The following CRB1 variants were observed in gnomAD, a reference collection of about 807,000 sequenced individuals.
The protein encoded by CRB1 is crumbs cell polarity complex component 1.
In CRB1, 83 loss-of-function variants were observed where a neutral mutation model predicts 120.0. That is an observed-to-expected ratio of 0.69 (90% confidence interval 0.58 to 0.83). The LOEUF (loss-of-function observed/expected upper bound fraction) is 0.83, where lower values mean the gene tolerates loss of function less well. CRB1 is among the 40% of genes least tolerant of loss of function. The probability of loss-of-function intolerance (pLI) is 0.00; values close to 1 mark genes in which losing one functional copy is unlikely to be tolerated. For missense variants in CRB1, 1,699 were observed against 1,687.6 expected (o/e 1.01, Z -0.12); for synonymous variants, 625 against 612.5 (o/e 1.02, Z -0.30).
the CRB1 span, among the ~76,000 whole-genome samples, chr1:197,225,313 A>G: frequency 6.6e-6 from 1 of 152,370 alleles, no homozygotes; most frequent in East Asian, 1.9e-4. Context: ...TTCCATTATG[A>G]ATTAATGTTT....
intron 9 of CRB1, chr1:197,438,157 G>A (rs1665251059): frequency 3.5e-6 from 1 of 286,802 alleles, no homozygotes; most frequent in Non-Finnish European, 6.8e-6. Flanking sequence ...GGGTAGTAGA[G>A]TGCTGTCCTT....
intron 2 of CRB1, among the ~76,000 whole-genome samples, chr1:197,333,887 C>T (rs1029265647): frequency 2.6e-5 from 4 of 152,164 alleles, no homozygotes; most frequent in Admixed American, 6.5e-5. Context: ...TCTCTAGAAA[C>T]AAGACTCACT....
At chr1:197,472,687 T>C (rs1483695286) in intron 11 of CRB1, among the ~76,000 whole-genome samples, 2 of 152,186 alleles carry the variant, frequency 1.3e-5, no homozygotes, top group African/African-American at 4.8e-5. Flanking sequence ...CCAAATTAGA[T>C]TAACTCTCAA....
rs144006275 is a variant in CRB1, at chr1:197,320,476, A to C, written c.71-7946A>C. ...TTAGTATCATAAAAACTGACATAGA[A>C]AAAAGCAAAGGCCTCCATTTCATAC... On this transcript the variant is annotated intron_variant, in intron 1 of 11. Transcript: ENST00000367400. 5.4e-3 allele frequency among the ~76,000 whole-genome samples: 822 copies of C among 152,298 alleles called. 10 individuals are homozygous for C. The highest frequency in any genetic ancestry group is 0.019 in the African/African-American group (790 of 41,558).
intron 1 of CRB1, among the ~76,000 whole-genome samples, chr1:197,315,591 TG>T (rs1172407519): frequency 6.6e-6 from 1 of 152,154 alleles, no homozygotes; most frequent in Non-Finnish European, 1.5e-5. Flanking sequence ...TCTCTAAGAG[TG>T]AAATTATACT....
chr1:197,406,013 C>G (rs528209987), intron 5 of CRB1, among the ~76,000 whole-genome samples: 1 of 151,552 alleles, frequency 6.6e-6, no homozygotes, highest in Non-Finnish European at 1.5e-5. Context: ...CGCCTCTGCC[C>G]GGCCGCCCCT....
intron 5 of CRB1, among the ~76,000 whole-genome samples, chr1:197,374,503 G>T (rs1164868740): frequency 6.6e-6 from 1 of 152,104 alleles, no homozygotes; most frequent in Non-Finnish European, 1.5e-5. Context: ...AGCAAGAACA[G>T]TGCCACACCT....
the CRB1 span, among the ~76,000 whole-genome samples, chr1:197,254,345 A>G: frequency 5.3e-5 from 8 of 152,100 alleles, no homozygotes; most frequent in Non-Finnish European, 1.2e-4. Flanking sequence ...GCAAGATACA[A>G]GAAAAAATAC....
rs527340817 is a variant in CRB1 at position 197,378,734 on chromosome 1, C to G, written c.1171+21721C>G. On this transcript the variant is annotated intron_variant, in intron 5 of 11. Coordinates refer to ENST00000367400, the MANE Select transcript of CRB1 (RefSeq NM_201253.3). ...TCAAAGAGTTTCTTCAGAATTACCC[C>G]TTTCAAAATAACAGTTTACTCTCTA... Among the ~76,000 whole-genome samples the G allele has an allele frequency of 1.2e-4, 19 of 152,316 alleles. No individual in the cohort carries two copies. In the South Asian group the frequency reaches 1.7e-3, roughly 13 times the overall value.
chr1:197,365,348 A>G (rs1661002649), intron 5 of CRB1, among the ~76,000 whole-genome samples: 1 of 152,092 alleles, frequency 6.6e-6, no homozygotes, highest in Admixed American at 6.5e-5. Context: ...TTGTGGCATA[A>G]TCCCCTTTAC....
chr1:197,278,886 A>G (rs12144239), intron 1 of CRB1, among the ~76,000 whole-genome samples: 25,571 of 151,930 alleles, frequency 0.17, 2,381 homozygotes, highest in Middle Eastern at 0.25. Context: ...TGGGGTGGGC[A>G]TATGTGTAAA....
At chr1:197,260,906 A>T in the CRB1 span, among the ~76,000 whole-genome samples, 1 of 152,300 alleles carries the variant, frequency 6.6e-6, no homozygotes, top group Non-Finnish European at 1.5e-5. Context: ...CATATTGGCC[A>T]GGCTGGTCTC....
In CRB1 at chr1:197,421,872, C is replaced by G; in HGVS notation, c.2044C>G (p.Gln682Glu). ...RKDWCESQPC[Q>E]SRGRCINLWL... ...GGATTGGTGTGAAAGCCAACCTTGT[C>G]AAAGCAGAGGACGCTGCATCAACTT... The change falls in exon 6 of 12, where the codon CAA (glutamine) becomes GAA (glutamate). Residue 682 changes from glutamine (Q) to glutamate (E), a missense_variant. By Grantham distance (29) the Gln-to-Glu change is conservative (BLOSUM62 2). Coordinates refer to ENST00000367400, the MANE Select transcript of CRB1 (RefSeq NM_201253.3). 1.9e-6 allele frequency: 3 copies of G among 1,614,172 alleles called. No individual in the cohort carries two copies. Among genetic ancestry groups the G allele is most frequent in the Non-Finnish European group, 2.5e-6 (3 of 1,180,034 alleles).
intron 11 of CRB1, among the ~76,000 whole-genome samples, chr1:197,463,713 G>A: frequency 6.6e-6 from 1 of 152,150 alleles, no homozygotes; most frequent in East Asian, 1.9e-4. Flanking sequence ...AAAATTAAGA[G>A]ATGACATCTA....
intron 6 of CRB1, among the ~76,000 whole-genome samples, chr1:197,423,988 A>G (rs924582131): frequency 6.6e-5 from 10 of 152,238 alleles, no homozygotes; most frequent in Admixed American, 6.5e-4. Flanking sequence ...TCAAGATACT[A>G]CTACTCAGAA....
chr1:197,224,883 C>G, the CRB1 span, among the ~76,000 whole-genome samples: 1 of 151,926 alleles, frequency 6.6e-6, no homozygotes, highest in African/African-American at 2.4e-5. Context: ...ATAAAACTAA[C>G]ATACATTTAA....
chr1:197,234,325 A>T, the CRB1 span, among the ~76,000 whole-genome samples: 1 of 152,190 alleles, frequency 6.6e-6, no homozygotes, highest in Non-Finnish European at 1.5e-5. Flanking sequence ...TCTCTCTTGT[A>T]TAGCTTTCTC....
chr1:197,390,875 C>T (rs1266377311), intron 5 of CRB1, among the ~76,000 whole-genome samples: 1 of 151,782 alleles, frequency 6.6e-6, no homozygotes, highest in African/African-American at 2.4e-5. Context: ...GCCCGAGGCC[C>T]TTAAGAATAG....
intron 5 of CRB1, among the ~76,000 whole-genome samples, chr1:197,410,924 C>T (rs1663678299): frequency 1.3e-5 from 2 of 152,178 alleles, no homozygotes; most frequent in African/African-American, 4.8e-5. Flanking sequence ...GCATCAACTG[C>T]TAGAAGATTC....
Sources: allele counts gnomAD v4.1 joint callset (sites outside exome capture counted in the v4.1 genomes callset), GRCh38; gene constraint gnomAD v4.1.1; transcripts MANE v1.5; gene names NCBI Gene and HGNC (gene_info 2026-07-23, HGNC 2026-07-21).